Variants in KCNIP4 observed in about 807,000 individuals in gnomAD.
KCNIP4 encodes the protein Kv channel-interacting protein 4.
Under a neutral mutation model 34.0 loss-of-function variants are expected in KCNIP4, and 12 were observed. The ratio of observed to expected loss-of-function variants is 0.35; its 90% CI spans 0.23 to 0.57. The LOEUF (loss-of-function observed/expected upper bound fraction) is 0.57, where lower values mean the gene tolerates loss of function less well. Ranked by LOEUF, KCNIP4 falls within the 20% of genes least tolerant of loss-of-function variation. The pLI is 0.83. For synonymous variants in KCNIP4, 124 were observed against 102.2 expected, an observed-to-expected ratio of 1.21 and a Z score of -1.29; for missense variants, 238 against 311.7, an observed-to-expected ratio of 0.76 and a Z score of 1.78.
intron 1 of KCNIP4, among the ~76,000 whole-genome samples, chr4:21,448,630 C>T (rs1007425532): frequency 7.9e-5 from 12 of 151,992 alleles, no homozygotes; most frequent in African/African-American, 2.9e-4. Context: ...TCTCAGCCTA[C>T]CCAATATACA....
chr4:21,750,167 T>C (rs1358597995), intron 1 of KCNIP4, among the ~76,000 whole-genome samples: 1 of 152,134 alleles, frequency 6.6e-6, no homozygotes, highest in African/African-American at 2.4e-5. Flanking sequence ...CATGAATCAC[T>C]TTGTAGCCAC....
At chr4:21,884,871 G>A (rs568552729) in intron 1 of KCNIP4, among the ~76,000 whole-genome samples, 2 of 152,128 alleles carry the variant, frequency 1.3e-5, no homozygotes, top group East Asian at 1.9e-4. Context: ...TCTACCACCA[G>A]GTCTTCAGTG....
rs1722391728 is a variant in KCNIP4, at chr4:20,863,136, T to C, written c.164-12469A>G. On this transcript the variant is annotated intron_variant, in intron 2 of 8. Coordinates refer to ENST00000382152, the MANE Select transcript of KCNIP4 (RefSeq NM_025221.6). ...AATAATTCATGCAAAGCCAGCTTTGTGGGAGACCCGAGTTTTATTGTTACT... is the reference window on the plus strand; with the variant it reads ...AATAATTCATGCAAAGCCAGCTTTGCGGGAGACCCGAGTTTTATTGTTACT... Among the ~76,000 whole-genome samples, 5 of 152,150 alleles carry C rather than the reference T, an allele frequency of 3.3e-5. No individual in the cohort carries two copies. The South Asian group carries it at 1.0e-3, about 32-fold the overall frequency.
chr4:21,454,617 C>G (rs1728771043), intron 1 of KCNIP4, among the ~76,000 whole-genome samples: 1 of 152,046 alleles, frequency 6.6e-6, no homozygotes, highest in African/African-American at 2.4e-5. Context: ...CAACATAACT[C>G]ACCCAATATT....
intron 1 of KCNIP4, among the ~76,000 whole-genome samples, chr4:21,620,303 A>G (rs894249206): frequency 3.9e-5 from 6 of 152,112 alleles, no homozygotes; most frequent in African/African-American, 1.4e-4. Flanking sequence ...AGAGTGTGAG[A>G]CCAGCCTGGG....
At chr4:21,054,191 AC>A (rs1743191646) in intron 1 of KCNIP4, among the ~76,000 whole-genome samples, 1 of 152,130 alleles carries the variant, frequency 6.6e-6, no homozygotes. Flanking sequence ...GAGAACTGGC[AC>A]CACTCAACTT....
chr4:21,762,130 G>A (rs540440800), intron 1 of KCNIP4, among the ~76,000 whole-genome samples: 34 of 152,066 alleles, frequency 2.2e-4, no homozygotes, highest in Non-Finnish European at 3.8e-4. Context: ...AAAGTAATAT[G>A]TGCCACATAT....
At chr4:21,896,897 C>G (rs934971757) in intron 1 of KCNIP4, among the ~76,000 whole-genome samples, 1 of 151,092 alleles carries the variant, frequency 6.6e-6, no homozygotes, top group African/African-American at 2.4e-5. Context: ...CCAGCCTAGG[C>G]AACAGAGTAA....
intron 1 of KCNIP4, among the ~76,000 whole-genome samples, chr4:21,027,721 G>T (rs1433574691): frequency 6.6e-6 from 1 of 151,832 alleles, no homozygotes; most frequent in Non-Finnish European, 1.5e-5. Flanking sequence ...TTGAAGAAAA[G>T]AAGTAGAGAA....
At chr4:21,016,110 T>C (rs1739518922) in intron 1 of KCNIP4, among the ~76,000 whole-genome samples, 2 of 150,498 alleles carry the variant, frequency 1.3e-5, no homozygotes, top group Admixed American at 1.3e-4. Context: ...TCGTCACCTA[T>C]GTAATCTTCA....
At chr4:21,032,191 A>G (rs1465255726) in intron 1 of KCNIP4, among the ~76,000 whole-genome samples, 1 of 152,200 alleles carries the variant, frequency 6.6e-6, no homozygotes, top group Non-Finnish European at 1.5e-5. Context: ...GAAACAAAGG[A>G]TAAAGAAAGC....
intron 1 of KCNIP4, among the ~76,000 whole-genome samples, chr4:21,246,156 T>A (rs1340703005): frequency 6.6e-6 from 1 of 151,992 alleles, no homozygotes; most frequent in Admixed American, 6.6e-5. Flanking sequence ...TTTGCAAGAG[T>A]AGTCTGTCAC....
At chr4:20,964,563 C>T (rs566626370) in intron 1 of KCNIP4, among the ~76,000 whole-genome samples, 12 of 152,244 alleles carry the variant, frequency 7.9e-5, no homozygotes, top group African/African-American at 2.9e-4. Flanking sequence ...CCTTCATCCA[C>T]TTTTCTGATG....
At chr4:21,115,299 T>C (rs188500412) in intron 1 of KCNIP4, among the ~76,000 whole-genome samples, 43 of 152,334 alleles carry the variant, frequency 2.8e-4, no homozygotes, top group African/African-American at 1.0e-3. Context: ...TCATGTAGCT[T>C]ACATTTGTAT....
chr4:21,616,478 A>T (rs1744616466), intron 1 of KCNIP4, among the ~76,000 whole-genome samples: 1 of 152,172 alleles, frequency 6.6e-6, no homozygotes, highest in Admixed American at 6.6e-5. Flanking sequence ...TCCTGAACAC[A>T]TCCCTGTGTC....
chr4:21,927,826 A>G (rs1578152432), intron 1 of KCNIP4, among the ~76,000 whole-genome samples: 1 of 152,060 alleles, frequency 6.6e-6, no homozygotes, highest in Admixed American at 6.6e-5. Context: ...CATTATCCAC[A>G]TGCTCTGACA....
At chr4:20,855,895 G>A (rs1038336359) in intron 2 of KCNIP4, among the ~76,000 whole-genome samples, 1 of 152,172 alleles carries the variant, frequency 6.6e-6, no homozygotes, top group Non-Finnish European at 1.5e-5. Flanking sequence ...ATAAAATTGA[G>A]CTGACAAGGA....
In KCNIP4 at chr4:21,034,787, A is replaced by G. The variant is rs759199389; in HGVS notation, c.62-152078T>C. ...GTCGCTTCCTAAAACTCAGCCCGGT[A>G]AACACAGCTTGGGGAAATATTTCCT... On this transcript the variant is annotated intron_variant, in intron 1 of 8. Coordinates refer to ENST00000382152, the MANE Select transcript of KCNIP4 (RefSeq NM_025221.6). 3.0e-4 allele frequency among the ~76,000 whole-genome samples: 46 copies of G among 152,330 alleles called. 1 individual carries two copies. Among genetic ancestry groups the G allele is most frequent in the Middle Eastern group, 3.4e-3 (1 of 294 alleles).
At chr4:21,726,239 T>C (rs1434634515) in intron 1 of KCNIP4, among the ~76,000 whole-genome samples, 1 of 80,330 alleles carries the variant, frequency 1.2e-5, no homozygotes, top group African/African-American at 3.7e-5. Context: ...AAATCAGTAC[T>C]ACTGAAATGA....
Sources: allele counts gnomAD v4.1 joint callset (sites outside exome capture counted in the v4.1 genomes callset), GRCh38; gene constraint gnomAD v4.1.1; transcripts MANE v1.5; gene names NCBI Gene and HGNC (gene_info 2026-07-23, HGNC 2026-07-21).